The following SLC26A8 variants were observed in gnomAD, a reference collection of about 807,000 sequenced individuals.
SLC26A8 encodes the protein testis anion transporter 1.
Under a neutral mutation model 105.0 loss-of-function variants are expected in SLC26A8, and 70 were observed. That is an observed-to-expected ratio of 0.67 (90% CI 0.55 to 0.81). The LOEUF is 0.81. SLC26A8 is among the 40% of genes least tolerant of loss of function. The pLI is 0.00. For synonymous variants in SLC26A8, 415 were observed against 438.3 expected (o/e 0.95, Z 0.66); for missense variants, 998 against 1,181.8 (o/e 0.84, Z 2.28).
intron 3 of SLC26A8, among the ~76,000 whole-genome samples, chr6:36,002,721 T>TC (rs2127359729): frequency 6.6e-6 from 1 of 151,976 alleles, no homozygotes; most frequent in South Asian, 2.1e-4. Context: ...CTTTTTTTTT[T>TC]TTTGAGATGG....
intron 1 of SLC26A8, among the ~76,000 whole-genome samples, chr6:36,022,340 A>G (rs1037463911): frequency 1.3e-5 from 2 of 152,206 alleles, no homozygotes; most frequent in African/African-American, 4.8e-5. Context: ...TGCCAGTGTT[A>G]TGTTCTAGAG....
chr6:35,986,232 C>T (rs1773519822), intron 7 of SLC26A8, among the ~76,000 whole-genome samples: 1 of 151,958 alleles, frequency 6.6e-6, no homozygotes, highest in African/African-American at 2.4e-5. Flanking sequence ...CAGAGTTTCT[C>T]CCTGTTGGCC....
chr6:35,975,117 G>A (rs1394946178), intron 10 of SLC26A8, among the ~76,000 whole-genome samples: 2 of 151,936 alleles, frequency 1.3e-5, no homozygotes, highest in Middle Eastern at 3.2e-3. Flanking sequence ...GGTTTTGTGG[G>A]CTAATATACG....
chr6:35,981,848 A>G lies in SLC26A8; in HGVS notation c.1025+273T>C, dbSNP rs1191860386. ...TTGAGAAGGCCTATCATGTGCTATG[A>G]AAAAAAACATGAGATTCTCTGGTAT... On this transcript the variant is annotated intron_variant, in intron 8 of 19. Transcript: ENST00000490799. This position sits in a 1 kb window ranked among gnomAD's most constrained non-coding sequence, Gnocchi z 4.0. Among the ~76,000 whole-genome samples the G allele has an allele frequency of 1.3e-5, 2 of 151,990 alleles. 1 individual carries two copies. The highest frequency in any genetic ancestry group is 2.9e-5 in the Non-Finnish European group (2 of 67,984).
chr6:35,999,020 A>G (rs577820392), intron 4 of SLC26A8, among the ~76,000 whole-genome samples: 1 of 149,940 alleles, frequency 6.7e-6, no homozygotes. Flanking sequence ...TCAGCCTCCC[A>G]AGTAGCTGGG....
At chr6:35,993,734 A>G (rs1738046156) in intron 5 of SLC26A8, among the ~76,000 whole-genome samples, 1 of 152,086 alleles carries the variant, frequency 6.6e-6, no homozygotes, top group Non-Finnish European at 1.5e-5. Context: ...TATAATAAAA[A>G]CCACAATTAG....
chr6:35,987,360 A>T (rs149712693), intron 7 of SLC26A8, among the ~76,000 whole-genome samples: 1 of 152,086 alleles, frequency 6.6e-6, no homozygotes, highest in East Asian at 1.9e-4. Context: ...AGCTAATTTC[A>T]CCTAGGGATT....
At chr6:35,982,331 A>G (rs956583464) in intron 7 of SLC26A8, 128 bp from the exon 8 acceptor site, 5 of 803,496 alleles carry the variant, frequency 6.2e-6, no homozygotes, top group Admixed American at 4.4e-5. Context: ...GTCCCTATGC[A>G]TGCAAGTTGG....
Position 35,982,141 on chromosome 6 carries a change from A to C in SLC26A8, c.1005T>G (p.Leu335=). 1.9e-6 allele frequency: 3 copies of C among 1,614,198 alleles called. No homozygotes were observed. Among genetic ancestry groups the C allele is most frequent in the Non-Finnish European group, 2.5e-6 (3 of 1,180,026 alleles). The change falls in exon 8 of 20, where the codon CTT becomes CTG. Residue 335 remains leucine, a synonymous_variant. Coordinates refer to ENST00000490799, the MANE Select transcript of SLC26A8 (RefSeq NM_052961.4). The stretch of plus-strand genomic sequence containing the variant: ...CTGACCTATAAGGAATCATGTCAAT[A>C]AGCGTCTGGCTGGTTTCTGTGGCCA... ...ISMATETSQT[L]IDMIPYSFLL...
At chr6:35,957,944 G>A (rs991433398) in intron 16 of SLC26A8, among the ~76,000 whole-genome samples, 2 of 151,200 alleles carry the variant, frequency 1.3e-5, no homozygotes, top group Non-Finnish European at 2.9e-5. Flanking sequence ...TCTACTCTAC[G>A]TTCTTATCTT....
At position 36,000,042 on chromosome 6, in the gene SLC26A8, C is replaced by T; in HGVS notation, c.395G>A (p.Cys132Tyr). ...AAAAATTACATAGATTACCGAAGAA[C>T]AGAAAGCTGCATAAGCGATGTTGAG... ...PPLNIAYAAFCSSVIYVIFGS... is the reference protein window; with the variant it reads ...PPLNIAYAAFYSSVIYVIFGS... The change falls in exon 4 of 20, where the codon TGT becomes TAT. Residue 132 changes from cysteine to tyrosine, a missense_variant. Transcript: ENST00000490799. 1 of 1,614,060 alleles carries T rather than the reference C, an allele frequency of 6.2e-7. No individual in the cohort carries two copies. The highest frequency in any genetic ancestry group is 8.5e-7 in the Non-Finnish European group (1 of 1,179,992).
chr6:35,951,627 G>A (rs1223710812), intron 17 of SLC26A8, 128 bp from the exon 18 acceptor site: 1 of 905,532 alleles, frequency 1.1e-6, no homozygotes, highest in Non-Finnish European at 1.8e-6. Flanking sequence ...TCACCCAGAT[G>A]GAGTGCAGTG....
At chr6:36,004,113 T>C (rs1761612972) in intron 3 of SLC26A8, among the ~76,000 whole-genome samples, 1 of 150,756 alleles carries the variant, frequency 6.6e-6, no homozygotes, top group African/African-American at 2.5e-5. Flanking sequence ...TCTCGCTCTG[T>C]TGCCCAGGCT....
rs1773082927 is a variant in SLC26A8, at chr6:35,977,441, T to G, written c.1026-90A>C. The G allele has an allele frequency of 2.3e-6, 3 of 1,276,664 alleles. No homozygotes were observed. The South Asian group carries it at 5.2e-5, about 22-fold the overall frequency. The allele number at this position is 1,276,664 out of a possible 1,614,324, so 79.1% of individuals were successfully genotyped here. A position where few individuals can be genotyped will look rare whatever the true frequency, so the allele number is the denominator to read the frequency against. ...TATTCTAACACTGGGCTGTCCTGATTCTTTTTTTTTTTTTTTTAATAACAA... is the reference window on the plus strand; with the variant it reads ...TATTCTAACACTGGGCTGTCCTGATGCTTTTTTTTTTTTTTTTAATAACAA... On this transcript the variant is annotated intron_variant, in intron 8 of 19. Coordinates refer to ENST00000490799, the MANE Select transcript of SLC26A8 (RefSeq NM_052961.4).
intron 2 of SLC26A8, among the ~76,000 whole-genome samples, chr6:36,016,143 G>A (rs1159919082): frequency 2.0e-5 from 3 of 151,944 alleles, no homozygotes; most frequent in Non-Finnish European, 4.4e-5. Flanking sequence ...ACAGCTGTGC[G>A]CCACCAAGCC....
intron 7 of SLC26A8, among the ~76,000 whole-genome samples, chr6:35,988,860 A>C (rs1426255661): frequency 4.3e-4 from 39 of 90,522 alleles, no homozygotes; most frequent in Admixed American, 6.7e-4. Context: ...TTTTTTTTTG[A>C]GACGGAATCT....
chr6:35,957,564 G>A (rs1581630329), intron 16 of SLC26A8, among the ~76,000 whole-genome samples: 1 of 151,584 alleles, frequency 6.6e-6, no homozygotes, highest in East Asian at 1.9e-4. Context: ...GTGGCAGGGA[G>A]ATGTGAGCTC....
intron 3 of SLC26A8, among the ~76,000 whole-genome samples, chr6:36,009,849 G>T (rs1227810632): frequency 1.3e-5 from 2 of 152,122 alleles, no homozygotes; most frequent in Non-Finnish European, 2.9e-5. Context: ...GGGGAAACTG[G>T]GTAAAGGGTA....
rs11364963 is a variant in SLC26A8, at chr6:35,953,013, C to CAA, written c.2233-1516_2233-1515dup. 6.3e-3 allele frequency among the ~76,000 whole-genome samples: 399 copies of CAA among 63,396 alleles called. 12 individuals carry two copies. Among genetic ancestry groups the CAA allele is most frequent in the East Asian group, 8.1e-3 (17 of 2,086 alleles). 41.6% of individuals were successfully genotyped at this position (63,396 alleles called of 152,430 possible). ...TGGGCGACACAGCAAGATGCTGTCT[C>CAA]AAAAAAAAAAAAAAAAAAAAAAAAT... On this transcript the variant is annotated intron_variant, in intron 17 of 19. Coordinates refer to ENST00000490799, the MANE Select transcript of SLC26A8 (RefSeq NM_052961.4).
Sources: gnomAD v4.1 joint callset for allele counts (sites outside exome capture counted in the v4.1 genomes callset) on GRCh38, gnomAD v4.1.1 for gene constraint, Gnocchi (gnomAD v3.1) non-coding constraint, MANE v1.5 for transcripts, NCBI Gene and HGNC (gene_info 2026-07-23, HGNC 2026-07-21) for gene names.